Variants in KIAA1328 observed in about 807,000 individuals in gnomAD.
KIAA1328 encodes the protein protein hinderin.
In KIAA1328, 52 loss-of-function variants were observed where a neutral mutation model predicts 68.1. The ratio of observed to expected loss-of-function variants is 0.76; its 90% CI spans 0.61 to 0.96. KIAA1328 has a LOEUF of 0.96. KIAA1328 is among the 40% of genes least tolerant of loss of function. The pLI is 0.00. For missense variants in KIAA1328, 641 were observed against 677.6 expected (o/e 0.95, Z 0.60); for synonymous variants, 232 against 239.4 (o/e 0.97, Z 0.28).
chr18:37,159,729 T>C (rs1008092795), intron 7 of KIAA1328, among the ~76,000 whole-genome samples: 3 of 152,210 alleles, frequency 2.0e-5, no homozygotes, highest in Non-Finnish European at 4.4e-5. Flanking sequence ...ACTGTTACAC[T>C]ACTCCTTACG....
At chr18:36,955,876 CA>C (rs751053701) in intron 5 of KIAA1328, 24 of 152,088 alleles carry the variant, frequency 1.6e-4, no homozygotes, top group African/African-American at 5.3e-4. Context: ...CCAAGCATCC[CA>C]GGTGTCAGAG....
chr18:37,116,170 C>T (rs2058099833), intron 7 of KIAA1328, among the ~76,000 whole-genome samples: 1 of 151,398 alleles, frequency 6.6e-6, no homozygotes. Context: ...CTTTAAAGTT[C>T]ATATGGAACC....
At chr18:37,076,144 C>T (rs2056725390) in intron 7 of KIAA1328, among the ~76,000 whole-genome samples, 1 of 152,204 alleles carries the variant, frequency 6.6e-6, no homozygotes, top group East Asian at 1.9e-4. Flanking sequence ...TCTCAGACCA[C>T]AGTGCAATCA....
intron 6 of KIAA1328, among the ~76,000 whole-genome samples, chr18:37,053,818 A>G (rs1048318069): frequency 6.6e-6 from 1 of 152,094 alleles, no homozygotes; most frequent in African/African-American, 2.4e-5. Flanking sequence ...ACACGTGAGG[A>G]TTACAATTCA....
chr18:36,911,192 A>T (rs1443226764), intron 5 of KIAA1328, among the ~76,000 whole-genome samples: 1 of 152,188 alleles, frequency 6.6e-6, no homozygotes, highest in East Asian at 1.9e-4. Context: ...TGATGAAAAG[A>T]TAACTTTATA....
At chr18:37,096,143 T>G (rs963416286) in intron 7 of KIAA1328, among the ~76,000 whole-genome samples, 1 of 152,166 alleles carries the variant, frequency 6.6e-6, no homozygotes, top group Non-Finnish European at 1.5e-5. Context: ...TTTTTACATA[T>G]GTACACATGT....
chr18:36,899,945 A>G (rs1376051201), intron 5 of KIAA1328, among the ~76,000 whole-genome samples: 2 of 151,982 alleles, frequency 1.3e-5, no homozygotes, highest in African/African-American at 2.4e-5. Context: ...ATGAAATTTA[A>G]TGCTTGTTCT....
chr18:36,877,428 G>T (rs1236574159), intron 4 of KIAA1328, among the ~76,000 whole-genome samples: 3 of 151,050 alleles, frequency 2.0e-5, no homozygotes, highest in African/African-American at 4.9e-5. Flanking sequence ...ATGTAATGCC[G>T]TTCTTCGTCT....
chr18:37,050,028 C>G (rs2055628206), intron 6 of KIAA1328, among the ~76,000 whole-genome samples: 2 of 152,080 alleles, frequency 1.3e-5, no homozygotes, highest in Admixed American at 1.3e-4. Flanking sequence ...TTAAAACTCT[C>G]TTTCATATGA....
intron 5 of KIAA1328, among the ~76,000 whole-genome samples, chr18:36,900,238 G>GGTTA (rs2048993475): frequency 6.6e-6 from 1 of 151,858 alleles, no homozygotes; most frequent in South Asian, 2.1e-4. Flanking sequence ...TTTACATAAA[G>GGTTA]GTTAGCCCTT....
At chr18:36,859,815 G>A (rs1482689478) in intron 4 of KIAA1328, among the ~76,000 whole-genome samples, 1 of 149,006 alleles carries the variant, frequency 6.7e-6, no homozygotes, top group Admixed American at 6.7e-5. Flanking sequence ...TTTAATGTGA[G>A]TTGAATTTAT....
chr18:36,926,132 G>T (rs2050107554), intron 5 of KIAA1328, among the ~76,000 whole-genome samples: 1 of 151,956 alleles, frequency 6.6e-6, no homozygotes. Flanking sequence ...GTTCGAAAGG[G>T]TTAAGTTTCT....
rs1289460711 is a variant in KIAA1328 at position 36,829,131 on chromosome 18, G to C, written c.-8G>C. 6.5e-7 allele frequency: 1 copy of C among 1,533,336 alleles called. No individual in the cohort carries two copies. Among genetic ancestry groups the C allele is most frequent in the African/African-American group, 1.4e-5 (1 of 70,856 alleles). 95.0% of individuals were successfully genotyped at this position (1,533,336 alleles called of 1,614,324 possible). ...AGGCGCGACGCCCCGAGTGGCGGTT[G>C]TTTCAAGATGGCGGACGTGGCGGGC... is the stretch of plus-strand genomic sequence containing the variant. On this transcript the variant is annotated 5_prime_UTR_variant, in exon 1 of 10. Transcript: ENST00000280020.
intron 7 of KIAA1328, among the ~76,000 whole-genome samples, chr18:37,099,169 G>A (rs1168058979): frequency 6.6e-6 from 1 of 152,078 alleles, no homozygotes; most frequent in Non-Finnish European, 1.5e-5. Flanking sequence ...GTGATGTTAG[G>A]ATGTCAATTT....
intron 4 of KIAA1328, among the ~76,000 whole-genome samples, chr18:36,869,047 C>CTT (rs558505849): frequency 3.0e-5 from 4 of 132,270 alleles, no homozygotes; most frequent in African/African-American, 1.1e-4. Context: ...TTTTTTCTTT[C>CTT]TTTTTTTTTT....
At chr18:37,119,876 A>T (rs149381281) in intron 7 of KIAA1328, among the ~76,000 whole-genome samples, 3 of 152,292 alleles carry the variant, frequency 2.0e-5, no homozygotes, top group African/African-American at 7.2e-5. Flanking sequence ...TAGCACCCAG[A>T]TACCAGTTTC....
chr18:37,026,775 TG>T (rs2054600206), intron 6 of KIAA1328, among the ~76,000 whole-genome samples: 1 of 152,170 alleles, frequency 6.6e-6, no homozygotes, highest in South Asian at 2.1e-4. Flanking sequence ...TCATACTGAA[TG>T]GGTAAAAACT....
intron 5 of KIAA1328, among the ~76,000 whole-genome samples, chr18:36,949,605 C>CCA (rs1556833479): frequency 1.0e-5 from 1 of 97,324 alleles, no homozygotes; most frequent in Admixed American, 1.3e-4. Flanking sequence ...GCTCCCCCCC[C>CCA]CCCACCCCCC....
chr18:36,906,700 A>C (rs1219554440), intron 5 of KIAA1328, among the ~76,000 whole-genome samples: 1 of 152,112 alleles, frequency 6.6e-6, no homozygotes, highest in Non-Finnish European at 1.5e-5. Context: ...TCATTTATTA[A>C]AGCACATCTT....
Sources: allele counts gnomAD v4.1 joint callset (sites outside exome capture counted in the v4.1 genomes callset), GRCh38; gene constraint gnomAD v4.1.1; transcripts MANE v1.5; gene names NCBI Gene and HGNC (gene_info 2026-07-23, HGNC 2026-07-21).